The following CNTN5 variants were observed in gnomAD, a reference collection of about 807,000 sequenced individuals.
CNTN5 encodes the protein contactin-5.
A neutral mutation model predicts 129.1 loss-of-function variants in CNTN5; 77 were observed. The ratio of observed to expected loss-of-function variants is 0.60; its 90% confidence interval spans 0.50 to 0.72. CNTN5 has a LOEUF of 0.72. Among genes scored for constraint, CNTN5 ranks in the 30% least tolerant of loss-of-function variants. The pLI is 0.00. For missense variants in CNTN5, 1,478 were observed against 1,328.8 expected (o/e 1.11, Z -1.75); for synonymous variants, 509 against 465.6 (o/e 1.09, Z -1.20).
intron 9 of CNTN5, among the ~76,000 whole-genome samples, chr11:100,006,959 C>A (rs900699845): frequency 5.9e-5 from 9 of 152,182 alleles, no homozygotes; most frequent in African/African-American, 1.9e-4. Flanking sequence ...TGTTAGCAGG[C>A]ATGAAAATAA....
intron 9 of CNTN5, among the ~76,000 whole-genome samples, chr11:100,060,172 C>T (rs1943404019): frequency 6.7e-6 from 1 of 149,876 alleles, no homozygotes; most frequent in Non-Finnish European, 1.5e-5. Context: ...TGCCACTGCA[C>T]TCGAGCCTTG....
At chr11:99,579,058 G>A (rs977716122) in intron 3 of CNTN5, among the ~76,000 whole-genome samples, 1 of 152,102 alleles carries the variant, frequency 6.6e-6, no homozygotes, top group South Asian at 2.1e-4. Context: ...TGGCTAGCCA[G>A]TTTCCCCAGC....
chr11:99,427,308 T>C (rs938815653), intron 2 of CNTN5, among the ~76,000 whole-genome samples: 2 of 152,114 alleles, frequency 1.3e-5, no homozygotes, highest in Admixed American at 6.5e-5. Flanking sequence ...AGATAAAATA[T>C]TTTTAGCATT....
At chr11:99,942,952 A>G (rs1187009385) in intron 7 of CNTN5, among the ~76,000 whole-genome samples, 2 of 152,028 alleles carry the variant, frequency 1.3e-5, no homozygotes, top group African/African-American at 2.4e-5. Context: ...TCTATCATTG[A>G]TAAGTATTTG....
At chr11:100,006,164 TAA>T (rs1385584494) in intron 9 of CNTN5, among the ~76,000 whole-genome samples, 2 of 152,164 alleles carry the variant, frequency 1.3e-5, no homozygotes, top group African/African-American at 4.8e-5. Flanking sequence ...CACGTTGATT[TAA>T]AAATATTTTA....
chr11:99,730,093 T>A (rs940296949), intron 3 of CNTN5, among the ~76,000 whole-genome samples: 1 of 152,166 alleles, frequency 6.6e-6, no homozygotes, highest in African/African-American at 2.4e-5. Flanking sequence ...CTAAGATCCC[T>A]CCTTGTTCCC....
chr11:99,847,499 C>T (rs891049308), intron 6 of CNTN5, among the ~76,000 whole-genome samples: 29 of 152,160 alleles, frequency 1.9e-4, no homozygotes, highest in African/African-American at 7.0e-4. Context: ...GACTCTGCCC[C>T]TCTCTACTTT....
At chr11:99,865,483 A>G (rs570418869) in intron 6 of CNTN5, among the ~76,000 whole-genome samples, 53 of 151,988 alleles carry the variant, frequency 3.5e-4, no homozygotes, top group African/African-American at 1.2e-3. Flanking sequence ...ATCATGGCTT[A>G]TAAAATTATT....
intron 1 of CNTN5, among the ~76,000 whole-genome samples, chr11:99,147,087 A>G (rs1859825039): frequency 6.6e-6 from 1 of 152,190 alleles, no homozygotes; most frequent in Admixed American, 6.5e-5. Flanking sequence ...TGTAAATATA[A>G]TATTTTAAAT....
At position 100,356,273 on chromosome 11, in the gene CNTN5, A is replaced by C. The variant is rs1952523369; in HGVS notation, c.*53A>C. 1 of 1,218,746 alleles carries C rather than the reference A, an allele frequency of 8.2e-7. No individual in the cohort carries two copies. Among genetic ancestry groups the C allele is most frequent in the Admixed American group, 1.9e-5 (1 of 51,628 alleles). 75.5% of individuals were successfully genotyped at this position (1,218,746 alleles called of 1,614,324 possible). ...TGCTTTAGCTTGGTAACAGCGGTGA[A>C]TAGAGTGTAGTGTAAGTGGAGAACC... On this transcript the variant is annotated 3_prime_UTR_variant, in exon 25 of 25. Coordinates refer to ENST00000524871, the MANE Select transcript of CNTN5 (RefSeq NM_014361.4).
At chr11:99,456,793 C>A (rs1944512427) in intron 2 of CNTN5, among the ~76,000 whole-genome samples, 1 of 151,976 alleles carries the variant, frequency 6.6e-6, no homozygotes, top group South Asian at 2.1e-4. Flanking sequence ...TAATATATAG[C>A]AATATCACCT....
At chr11:99,285,203 A>G (rs1863879227) in intron 1 of CNTN5, among the ~76,000 whole-genome samples, 1 of 152,102 alleles carries the variant, frequency 6.6e-6, no homozygotes, top group Admixed American at 6.6e-5. Context: ...TATTTTCTTT[A>G]ACTAACATAA....
intron 1 of CNTN5, among the ~76,000 whole-genome samples, chr11:99,184,355 C>A (rs1457100554): frequency 6.6e-6 from 1 of 152,016 alleles, no homozygotes; most frequent in African/African-American, 2.4e-5. Flanking sequence ...ACAGCTGCTA[C>A]TCCCTCTGCT....
intron 3 of CNTN5, among the ~76,000 whole-genome samples, chr11:99,795,472 T>C (rs1377882648): frequency 2.0e-5 from 3 of 152,196 alleles, no homozygotes; most frequent in Admixed American, 2.0e-4. Flanking sequence ...ACTAGCATGA[T>C]CATTTGGATA....
intron 3 of CNTN5, among the ~76,000 whole-genome samples, chr11:99,611,238 A>G (rs1045052334): frequency 2.0e-5 from 3 of 152,162 alleles, no homozygotes; most frequent in African/African-American, 7.2e-5. Context: ...AACCCATAAT[A>G]ACTACATCAA....
chr11:99,438,397 A>G (rs1000981068), intron 2 of CNTN5, among the ~76,000 whole-genome samples: 1 of 152,176 alleles, frequency 6.6e-6, no homozygotes, highest in Admixed American at 6.5e-5. Context: ...TCTTACAGCC[A>G]GTAATTGTTG....
At chr11:99,827,988 T>G (rs1947020330) in intron 4 of CNTN5, among the ~76,000 whole-genome samples, 1 of 151,212 alleles carries the variant, frequency 6.6e-6, no homozygotes, top group Non-Finnish European at 1.5e-5. Flanking sequence ...ATCTACTGTG[T>G]GCAAGCTGTA....
chr11:99,199,741 A>G (rs1384522985), intron 1 of CNTN5, among the ~76,000 whole-genome samples: 1 of 152,222 alleles, frequency 6.6e-6, no homozygotes, highest in Non-Finnish European at 1.5e-5. Flanking sequence ...GCATTAGCCA[A>G]ACAATTGGTT....
At chr11:99,658,944 G>T (rs1952493655) in intron 3 of CNTN5, among the ~76,000 whole-genome samples, 1 of 147,820 alleles carries the variant, frequency 6.8e-6, no homozygotes, top group South Asian at 2.2e-4. Context: ...GCCCTGTCTA[G>T]AACCCTCTTC....
Sources: gnomAD v4.1 joint callset for allele counts (sites outside exome capture counted in the v4.1 genomes callset) on GRCh38, gnomAD v4.1.1 for gene constraint, MANE v1.5 for transcripts, NCBI Gene and HGNC (gene_info 2026-07-23, HGNC 2026-07-21) for gene names.